The following BTNL3 variants were observed in gnomAD, a reference collection of about 807,000 sequenced individuals.
The protein encoded by BTNL3 is butyrophilin like 3.
In BTNL3, 20 loss-of-function variants were observed where a neutral mutation model predicts 40.1. The observed-to-expected ratio is 0.50, with a 90% CI of 0.35 to 0.72. BTNL3 has a LOEUF of 0.72. Ranked by LOEUF, BTNL3 falls within the 30% of genes least tolerant of loss-of-function variation. The pLI, the probability that BTNL3 is intolerant of heterozygous loss-of-function variation, is 0.01. For missense variants in BTNL3, 449 were observed against 582.2 expected (o/e 0.77, Z 2.35); for synonymous variants, 179 against 222.1 (o/e 0.81, Z 1.73).
At chr5:180,997,085 T>C (rs1760043554) in intron 2 of BTNL3, 128 bp from the exon 3 acceptor site, 1 of 1,229,760 alleles carries the variant, frequency 8.1e-7, no homozygotes, top group African/African-American at 1.4e-5. Flanking sequence ...AGGATGTGTG[T>C]GTGTGAGAGA....
At chr5:181,004,794 T>A (rs1357299550) in intron 7 of BTNL3, 32 bp downstream of exon 7, 1 of 1,613,498 alleles carries the variant, frequency 6.2e-7, no homozygotes. Flanking sequence ...ACAGTGGGCA[T>A]GGAGTAGGAA....
rs535709775 is a variant in BTNL3 at position 181,000,851 on chromosome 5, A to G, written c.674-1821A>G. 4.7e-4 allele frequency among the ~76,000 whole-genome samples: 64 copies of G among 136,428 alleles called. 15 individuals carry two copies. Among genetic ancestry groups the G allele is most frequent in the Non-Finnish European group, 1.0e-3 (61 of 59,704 alleles). The allele number at this position is 136,428 out of a possible 152,430, so 89.5% of individuals were successfully genotyped here. On this transcript the variant is annotated intron_variant, in intron 3 of 7. Coordinates refer to ENST00000342868, the MANE Select transcript of BTNL3 (RefSeq NM_197975.3). The stretch of plus-strand genomic sequence containing the variant: ...ATAAAATAAAAAAATAAAATAAAAT[A>G]AAATAAAATCATAACATAAGGAGAT...
chr5:180,989,157 C>T lies in BTNL3; in HGVS notation c.49+80C>T, dbSNP rs1398821650. The T allele has an allele frequency of 3.8e-6, 5 of 1,304,862 alleles. 1 individual carries two copies. Among genetic ancestry groups the T allele is most frequent in the African/African-American group, 3.0e-5 (2 of 67,596 alleles). The allele number at this position is 1,304,862 out of a possible 1,614,324, so 80.8% of individuals were successfully genotyped here. On this transcript the variant is annotated intron_variant, in intron 1 of 7. Transcript: ENST00000342868. ...TTCATTCATGACAATGATCTCAGCA[C>T]AGTGAGATGCAGGAATCTTTGGTGC... is the stretch of plus-strand genomic sequence containing the variant.
chr5:180,999,551 G>A (rs1220018503), intron 3 of BTNL3, among the ~76,000 whole-genome samples: 1 of 137,182 alleles, frequency 7.3e-6, no homozygotes, highest in African/African-American at 2.5e-5. Flanking sequence ...TGTAGTCCCA[G>A]CAGTGTGGAA....
chr5:180,993,354 A>T (rs1163339928), intron 2 of BTNL3, among the ~76,000 whole-genome samples, 194 bp downstream of exon 2: 1 of 136,992 alleles, frequency 7.3e-6, no homozygotes, highest in African/African-American at 2.5e-5. Context: ...TGGGATCATG[A>T]TGCAGAAGAC....
intron 3 of BTNL3, among the ~76,000 whole-genome samples, chr5:181,001,501 G>GC (rs1554149537): frequency 3.7e-5 from 2 of 53,652 alleles, no homozygotes; most frequent in African/African-American, 1.1e-4. Flanking sequence ...TTTTATAGAT[G>GC]GGGGGGGGTC....
intron 4 of BTNL3, among the ~76,000 whole-genome samples, 155 bp from the exon 5 acceptor site, chr5:181,003,701 C>T (rs935717603): frequency 1.3e-5 from 2 of 150,452 alleles, no homozygotes; most frequent in African/African-American, 2.4e-5. Flanking sequence ...AGCCACACTC[C>T]GTGCAGGGGC....
rs573952962 is a variant in BTNL3, at chr5:181,003,984, G to A, written c.808+108G>A. 1.4e-4 allele frequency: 222 copies of A among 1,565,332 alleles called. 8 individuals carry two copies. The highest frequency in any genetic ancestry group is 1.8e-4 in the Non-Finnish European group (210 of 1,137,352). On this transcript the variant is annotated intron_variant, in intron 5 of 7. Transcript: ENST00000342868. ...GGCTGCAGGCTGGACAGGAAGCACC[G>A]GCAGGTGGAGGGGAGCAGCTGCTCA...
rs1013103709 is a variant in BTNL3, at chr5:180,995,906, G to A, written c.398-1307G>A. On this transcript the variant is annotated intron_variant, in intron 2 of 7. Transcript: ENST00000342868. ...TTTTCAAAATGCACCTATGCTTGCCGCATTTCTAGGGTTTATGATTTTACT... is the reference window on the plus strand; with the variant it reads ...TTTTCAAAATGCACCTATGCTTGCCACATTTCTAGGGTTTATGATTTTACT... 5.2e-5 allele frequency among the ~76,000 whole-genome samples: 7 copies of A among 135,402 alleles called. 2 individuals are homozygous for A. Among genetic ancestry groups the A allele is most frequent in the East Asian group, 2.2e-4 (1 of 4,550 alleles). 88.8% of individuals were successfully genotyped at this position (135,402 alleles called of 152,430 possible).
chr5:181,004,636 C>T, intron 6 of BTNL3, 100 bp from the exon 7 acceptor site: 1 of 1,612,188 alleles, frequency 6.2e-7, no homozygotes, highest in Non-Finnish European at 8.5e-7. Flanking sequence ...GGAGGGTCCA[C>T]AACACTCAAA....
intron 2 of BTNL3, among the ~76,000 whole-genome samples, chr5:180,994,774 G>C (rs1760013152): frequency 7.5e-6 from 1 of 132,806 alleles, no homozygotes; most frequent in African/African-American, 2.6e-5. Flanking sequence ...GTATCCTGGA[G>C]TTCAATAATT....
At chr5:180,998,347 T>G (rs1431150091) in intron 3 of BTNL3, among the ~76,000 whole-genome samples, 2 of 135,938 alleles carry the variant, frequency 1.5e-5, no homozygotes, top group African/African-American at 5.1e-5. Flanking sequence ...TACATGTACC[T>G]TATACATGTA....
chr5:181,005,466 C>T lies in BTNL3; in HGVS notation c.995C>T (p.Ala332Val), dbSNP rs1320411546. The T allele has an allele frequency of 3.7e-6, 6 of 1,613,968 alleles. No homozygotes were observed. In the African/African-American group the frequency reaches 6.7e-5, roughly 18 times the overall value. ...AGATTTACAAGGAAGAGTGTGGTGG[C>T]TTCTCAGGGTTTCCAAGCAGGGAAA... ...EKRFTRKSVVASQGFQAGKHY... is the reference protein window; with the variant it reads ...EKRFTRKSVVVSQGFQAGKHY... Residue 332 changes from alanine to valine, a missense_variant, in exon 8 of 8, where the codon GCT becomes GTT. Transcript: ENST00000342868.
Position 180,989,852 on chromosome 5 carries a change from T to C in BTNL3, c.49+775T>C, listed in dbSNP as rs973141117. ...CTAAACAAAGCCAACAAAACAGAAA[T>C]AAGGGGATCAAAATCCATGTGTGCT... On this transcript the variant is annotated intron_variant, in intron 1 of 7. Coordinates refer to ENST00000342868, the MANE Select transcript of BTNL3 (RefSeq NM_197975.3). Among the ~76,000 whole-genome samples, 9 of 136,452 alleles carry C rather than the reference T, an allele frequency of 6.6e-5. 1 individual carries two copies. Among genetic ancestry groups the C allele is most frequent in the African/African-American group, 2.3e-4 (9 of 39,720 alleles). 89.5% of individuals were successfully genotyped at this position (136,452 alleles called of 152,430 possible).
chr5:181,004,722 C>G lies in BTNL3; in HGVS notation c.836-14C>G, dbSNP rs1760187740. On this transcript the variant is annotated splice_polypyrimidine_tract_variant and intron_variant, in intron 6 of 7. Transcript: ENST00000342868. ...GTGAGCACGGAACTGCCTGCTCTCT[C>G]TGCTTGCTTTCAGAATTGAGAGACG... The G allele has an allele frequency of 6.2e-7, 1 of 1,614,102 alleles. No homozygotes were observed. Among genetic ancestry groups the G allele is most frequent in the Non-Finnish European group, 8.5e-7 (1 of 1,180,062 alleles).
Position 181,002,657 on chromosome 5 carries a change from G to A in BTNL3, c.674-15G>A, listed in dbSNP as rs770529454. 2 of 1,452,664 alleles carry A rather than the reference G, an allele frequency of 1.4e-6. 1 individual carries two copies. Among genetic ancestry groups the A allele is most frequent in the East Asian group, 5.0e-5 (2 of 40,396 alleles). 90.0% of individuals were successfully genotyped at this position (1,452,664 alleles called of 1,614,324 possible). On this transcript the variant is annotated splice_polypyrimidine_tract_variant and intron_variant, in intron 3 of 7. Coordinates refer to ENST00000342868, the MANE Select transcript of BTNL3 (RefSeq NM_197975.3). ...TGCTTAGCTATCACTAAGGGTCTGT[G>A]GGACTGTTTTTCAGAGACGTTTTTC...
chr5:180,994,819 G>T lies in BTNL3; in HGVS notation c.397+1659G>T, dbSNP rs1240611041. On this transcript the variant is annotated intron_variant, in intron 2 of 7. Coordinates refer to ENST00000342868, the MANE Select transcript of BTNL3 (RefSeq NM_197975.3). ...TTTTTATGAGATGGAGTCTCGCTCT[G>T]TCGCCCAGGCTGGATAGAGTGCAGT... 1.6e-5 allele frequency among the ~76,000 whole-genome samples: 2 copies of T among 128,536 alleles called. 1 individual carries two copies. The highest frequency in any genetic ancestry group is 3.5e-5 in the Non-Finnish European group (2 of 57,168). 84.3% of individuals were successfully genotyped at this position (128,536 alleles called of 152,430 possible).
Position 180,992,807 on chromosome 5 carries a change from C to T in BTNL3, c.50-6C>T, listed in dbSNP as rs780933345. On this transcript the variant is annotated splice_region_variant and splice_polypyrimidine_tract_variant and intron_variant, in intron 1 of 7. Transcript: ENST00000342868. ...GCTCAGTTGTCTGTTATGTTTCCTC[C>T]TATAGGACAGTGGCAAGTCACTGGA... 2 of 1,462,952 alleles carry T rather than the reference C, an allele frequency of 1.4e-6. No homozygotes were observed. 90.6% of individuals were successfully genotyped at this position (1,462,952 alleles called of 1,614,324 possible).
chr5:180,993,300 A>C, intron 2 of BTNL3, 140 bp downstream of exon 2: 1 of 1,251,802 alleles, frequency 8.0e-7, no homozygotes, highest in East Asian at 2.8e-5. Flanking sequence ...GGGATCACTG[A>C]CCTGAGGTTT....
Sources: allele counts gnomAD v4.1 joint callset (sites outside exome capture counted in the v4.1 genomes callset), GRCh38; gene constraint gnomAD v4.1.1; transcripts MANE v1.5; gene names NCBI Gene and HGNC (gene_info 2026-07-23, HGNC 2026-07-21).